VPS13B: variants seen among roughly 807,000 people sequenced by gnomAD.
The protein encoded by VPS13B is vacuolar protein sorting 13 homolog B, also known as intermembrane lipid transfer protein VPS13B.
VPS13B carries 285 observed loss-of-function variants against 426.4 expected under a neutral mutation model. The observed-to-expected ratio is 0.67, with a 90% CI of 0.61 to 0.74. VPS13B has a LOEUF of 0.74. VPS13B is among the 30% of genes least tolerant of loss of function. The pLI is 0.00. For missense variants in VPS13B, 4,537 were observed against 4,782.6 expected, an observed-to-expected ratio of 0.95 and a Z score of 1.51; for synonymous variants, 1,676 against 1,676.4, an observed-to-expected ratio of 1.00 and a Z score of 0.01.
intron 19 of VPS13B, among the ~76,000 whole-genome samples, chr8:99,361,295 C>T (rs1388408339): frequency 6.6e-6 from 1 of 152,100 alleles, no homozygotes; most frequent in Non-Finnish European, 1.5e-5. Context: ...GGCTAAGAAA[C>T]CATACCTTGT....
intron 5 of VPS13B, among the ~76,000 whole-genome samples, chr8:99,104,350 A>G (rs1588040724): frequency 6.6e-6 from 1 of 152,228 alleles, no homozygotes; most frequent in Non-Finnish European, 1.5e-5. Context: ...GTGCATGACT[A>G]TATTTTATAG....
At chr8:99,666,618 C>T (rs1296839123) in intron 35 of VPS13B, among the ~76,000 whole-genome samples, 1 of 152,144 alleles carries the variant, frequency 6.6e-6, no homozygotes, top group African/African-American at 2.4e-5. Flanking sequence ...ACCCTTCATG[C>T]TAAAAACTCT....
intron 19 of VPS13B, among the ~76,000 whole-genome samples, chr8:99,326,314 A>G (rs1488581552): frequency 6.6e-6 from 1 of 152,048 alleles, no homozygotes; most frequent in Non-Finnish European, 1.5e-5. Flanking sequence ...TTATTTCCCA[A>G]CTATATTCTA....
At chr8:99,318,493 G>C (rs1262974657) in intron 19 of VPS13B, among the ~76,000 whole-genome samples, 1 of 151,986 alleles carries the variant, frequency 6.6e-6, no homozygotes, top group Non-Finnish European at 1.5e-5. Context: ...AAAATATCCT[G>C]TCATTGAGAG....
chr8:99,617,080 T>C (rs1364091655), intron 33 of VPS13B, among the ~76,000 whole-genome samples: 1 of 152,130 alleles, frequency 6.6e-6, no homozygotes. Context: ...TAAGTTAAAT[T>C]TTAAAAATAT....
intron 39 of VPS13B, among the ~76,000 whole-genome samples, chr8:99,732,368 G>A (rs115381806): frequency 0.019 from 2,967 of 152,178 alleles, 104 homozygotes; most frequent in African/African-American, 0.068. Context: ...TCTTGTTCCT[G>A]CTCCAGCCAC....
chr8:99,852,531 T>C (rs951764530), intron 55 of VPS13B, among the ~76,000 whole-genome samples: 2 of 152,154 alleles, frequency 1.3e-5, no homozygotes, highest in East Asian at 3.9e-4. Flanking sequence ...AAGAAAAGTA[T>C]TTCCAGGAGG....
intron 24 of VPS13B, among the ~76,000 whole-genome samples, chr8:99,470,767 G>T (rs775350799): frequency 6.6e-5 from 10 of 150,778 alleles, no homozygotes; most frequent in Non-Finnish European, 1.3e-4. Context: ...GCAAATTTGG[G>T]GAAAGAGATA....
intron 16 of VPS13B, among the ~76,000 whole-genome samples, chr8:99,178,863 C>T (rs1431501783): frequency 6.6e-6 from 1 of 152,032 alleles, no homozygotes; most frequent in Non-Finnish European, 1.5e-5. Flanking sequence ...CTCAAGTGAG[C>T]CACCCGCCTC....
intron 43 of VPS13B, chr8:99,804,055 G>A (rs1813268018): frequency 6.6e-6 from 1 of 152,120 alleles, no homozygotes; most frequent in Non-Finnish European, 1.5e-5. Flanking sequence ...ATTCAAAATA[G>A]GAAACTCTTG....
At chr8:99,165,152 A>G (rs1444511004) in intron 15 of VPS13B, among the ~76,000 whole-genome samples, 6 of 152,242 alleles carry the variant, frequency 3.9e-5, no homozygotes, top group African/African-American at 1.4e-4. Flanking sequence ...TTTAGCTAAC[A>G]TATATTATGT....
intron 5 of VPS13B, among the ~76,000 whole-genome samples, chr8:99,107,586 G>A (rs1446721683): frequency 6.6e-6 from 1 of 151,822 alleles, no homozygotes; most frequent in Non-Finnish European, 1.5e-5. Flanking sequence ...TACTATTAGA[G>A]GCAGAATCCT....
intron 3 of VPS13B, among the ~76,000 whole-genome samples, chr8:99,061,296 CTTTTTTTTTT>C (rs36037937): frequency 1.8e-5 from 2 of 112,948 alleles, no homozygotes; most frequent in Non-Finnish European, 3.5e-5. Context: ...TGCTAATTTT[CTTTTTTTTTT>C]TTTTTTTTGA....
chr8:99,025,251 T>C (rs1257629921), intron 2 of VPS13B, among the ~76,000 whole-genome samples: 1 of 152,180 alleles, frequency 6.6e-6, no homozygotes, highest in Admixed American at 6.5e-5. Flanking sequence ...CTTTTTCTTT[T>C]CCAATTTTGA....
chr8:99,805,818 C>A (rs372497147), intron 43 of VPS13B, among the ~76,000 whole-genome samples: 1 of 152,044 alleles, frequency 6.6e-6, no homozygotes, highest in Non-Finnish European at 1.5e-5. Flanking sequence ...TTTGACTTTT[C>A]CCCCCACCGT....
chr8:99,549,141 A>G (rs1205326902), intron 30 of VPS13B, among the ~76,000 whole-genome samples: 3 of 152,140 alleles, frequency 2.0e-5, no homozygotes, highest in Non-Finnish European at 2.9e-5. Context: ...TATTTCGCCT[A>G]AATTTTCCAC....
intron 19 of VPS13B, among the ~76,000 whole-genome samples, chr8:99,372,427 A>G (rs1813244401): frequency 6.6e-6 from 1 of 152,228 alleles, no homozygotes; most frequent in South Asian, 2.1e-4. Flanking sequence ...ACAAAGGTCT[A>G]ATATTCAGAA....
At chr8:99,055,062 G>A (rs1003394909) in intron 3 of VPS13B, among the ~76,000 whole-genome samples, 5 of 135,300 alleles carry the variant, frequency 3.7e-5, no homozygotes, top group African/African-American at 5.4e-5. Flanking sequence ...TTTTGTTACA[G>A]GGTCTCACTC....
intron 19 of VPS13B, among the ~76,000 whole-genome samples, chr8:99,327,996 A>G (rs570303736): frequency 3.3e-4 from 51 of 152,322 alleles, no homozygotes; most frequent in Non-Finnish European, 5.6e-4. Context: ...GAAGTCCCCG[A>G]TCTGTTGGCC....
Sources: gnomAD v4.1 joint callset for allele counts (sites outside exome capture counted in the v4.1 genomes callset) on GRCh38, gnomAD v4.1.1 for gene constraint, MANE v1.5 for transcripts, NCBI Gene and HGNC (gene_info 2026-07-23, HGNC 2026-07-21) for gene names.